Variants in WWOX observed in about 807,000 individuals in gnomAD.
The protein encoded by WWOX is WW domain-containing oxidoreductase.
WWOX carries 69 observed loss-of-function variants against 46.2 expected under a neutral mutation model. The observed-to-expected ratio is 1.49, with a 90% confidence interval of 1.23 to 1.82. WWOX has a LOEUF of 1.82. Among genes scored for constraint, WWOX ranks in the 40% most tolerant of loss-of-function variants. The probability of loss-of-function intolerance (pLI) is 0.00; values close to 1 mark genes in which losing one functional copy is unlikely to be tolerated. For missense variants in WWOX, 919 were observed against 542.6 expected, an observed-to-expected ratio of 1.69 and a Z score of -6.89; for synonymous variants, 359 against 202.6, an observed-to-expected ratio of 1.77 and a Z score of -6.56.
chr16:78,544,220 C>T (rs1042432937), intron 8 of WWOX, among the ~76,000 whole-genome samples: 1 of 152,206 alleles, frequency 6.6e-6, no homozygotes, highest in Non-Finnish European at 1.5e-5. Flanking sequence ...AGAACTGACA[C>T]TAATATTCTC....
intron 8 of WWOX, among the ~76,000 whole-genome samples, chr16:79,135,297 AT>A (rs1397184728): frequency 6.6e-6 from 1 of 152,142 alleles, no homozygotes; most frequent in African/African-American, 2.4e-5. Context: ...GTATGTCTTG[AT>A]TTATATACAT....
intron 8 of WWOX, among the ~76,000 whole-genome samples, chr16:78,932,402 C>T (rs1169938687): frequency 1.3e-5 from 2 of 152,190 alleles, no homozygotes; most frequent in East Asian, 1.9e-4. Flanking sequence ...ACAGCCTATG[C>T]CTGGATAAGA....
intron 5 of WWOX, among the ~76,000 whole-genome samples, chr16:78,263,886 C>A (rs1170281660): frequency 6.6e-6 from 1 of 151,958 alleles, no homozygotes; most frequent in South Asian, 2.1e-4. Flanking sequence ...CTCAGGCTGG[C>A]CAGTGTGGAA....
intron 8 of WWOX, among the ~76,000 whole-genome samples, chr16:78,937,448 CTT>C (rs537642648): frequency 0.071 from 5,762 of 81,710 alleles, 210 homozygotes; most frequent in Non-Finnish European, 0.096. Flanking sequence ...TTTGTATTAA[CTT>C]TTTTTTTTTT....
chr16:78,246,579 G>A (rs1445514255), intron 5 of WWOX, among the ~76,000 whole-genome samples: 1 of 152,212 alleles, frequency 6.6e-6, no homozygotes, highest in Non-Finnish European at 1.5e-5. Flanking sequence ...TTTTATGTCA[G>A]TTAAACCATC....
At chr16:78,432,838 G>T in intron 8 of WWOX, 86 bp downstream of exon 8, 1 of 1,593,170 alleles carries the variant, frequency 6.3e-7, no homozygotes, top group Non-Finnish European at 8.6e-7. Flanking sequence ...ACCTCTTGCG[G>T]GCATGAGTCT....
intron 7 of WWOX, among the ~76,000 whole-genome samples, chr16:78,428,155 G>A (rs956423355): frequency 6.6e-6 from 1 of 152,234 alleles, no homozygotes; most frequent in Non-Finnish European, 1.5e-5. Context: ...TACAAAGCAA[G>A]TGTTACTGTC....
intron 5 of WWOX, among the ~76,000 whole-genome samples, chr16:78,294,086 G>A (rs1001543292): frequency 1.3e-5 from 2 of 149,010 alleles, no homozygotes; most frequent in Non-Finnish European, 3.0e-5. Context: ...ACACAGCCTT[G>A]CTGTGCCTTC....
intron 5 of WWOX, among the ~76,000 whole-genome samples, chr16:78,370,406 A>G (rs764397693): frequency 6.6e-6 from 1 of 152,146 alleles, no homozygotes; most frequent in Non-Finnish European, 1.5e-5. Flanking sequence ...TATTCATTGG[A>G]TAAATATCAA....
intron 5 of WWOX, among the ~76,000 whole-genome samples, chr16:78,232,592 T>A (rs2037303222): frequency 6.6e-6 from 1 of 152,132 alleles, no homozygotes; most frequent in Non-Finnish European, 1.5e-5. Flanking sequence ...ATAAGAAAAA[T>A]TAACTTTTAA....
chr16:78,278,511 C>G (rs2083792890), intron 5 of WWOX: 2 of 1,306,364 alleles, frequency 1.5e-6, no homozygotes, highest in Non-Finnish European at 2.1e-6. Flanking sequence ...AATTAATTAG[C>G]AAAAACTTAT....
intron 8 of WWOX, among the ~76,000 whole-genome samples, chr16:78,464,873 C>A (rs142522235): frequency 1.3e-5 from 2 of 152,288 alleles, no homozygotes; most frequent in South Asian, 2.1e-4. Flanking sequence ...TCCCATACTT[C>A]TGTGAAGAAA....
intron 4 of WWOX, among the ~76,000 whole-genome samples, chr16:78,146,629 A>T (rs1335086113): frequency 1.3e-5 from 2 of 152,188 alleles, no homozygotes; most frequent in African/African-American, 4.8e-5. Context: ...ACAAAATGTT[A>T]TCAAATGAAG....
intron 1 of WWOX, among the ~76,000 whole-genome samples, chr16:78,105,646 T>G (rs769766601): frequency 2.6e-5 from 4 of 152,260 alleles, no homozygotes; most frequent in Admixed American, 1.3e-4. Context: ...AAAGTATTCA[T>G]TCTGTTTGTT....
chr16:78,758,493 T>C (rs1239224282), intron 8 of WWOX, among the ~76,000 whole-genome samples: 1 of 152,196 alleles, frequency 6.6e-6, no homozygotes, highest in Non-Finnish European at 1.5e-5. Context: ...GAAGCAGGCT[T>C]CCCCCAAGTG....
chr16:78,708,754 C>A (rs529231119), intron 8 of WWOX, among the ~76,000 whole-genome samples: 24 of 152,256 alleles, frequency 1.6e-4, no homozygotes, highest in African/African-American at 5.3e-4. Context: ...TAAAAAGATA[C>A]ATGACGTTGA....
chr16:79,003,665 G>A (rs1253073977), intron 8 of WWOX, among the ~76,000 whole-genome samples: 2 of 152,170 alleles, frequency 1.3e-5, no homozygotes, highest in Non-Finnish European at 2.9e-5. Flanking sequence ...GGCAGGGAGG[G>A]CTCAGCTGGT....
chr16:78,144,502 T>TATATATATATACACACACACAC (rs2034126356), intron 4 of WWOX, among the ~76,000 whole-genome samples: 1 of 19,834 alleles, frequency 5.0e-5, no homozygotes, highest in African/African-American at 2.2e-4. Context: ...CACACACACA[T>TATATATATATACACACACACAC]ATATATATAT....
At chr16:78,696,767 A>G (rs148000746) in intron 8 of WWOX, among the ~76,000 whole-genome samples, 2,284 of 152,180 alleles carry the variant, frequency 0.015, 26 homozygotes, top group Non-Finnish European at 0.023. Flanking sequence ...CCATCACTCG[A>G]GCAGTATACA....
Sources: allele counts gnomAD v4.1 joint callset (sites outside exome capture counted in the v4.1 genomes callset), GRCh38; gene constraint gnomAD v4.1.1; transcripts MANE v1.5; gene names NCBI Gene and HGNC (gene_info 2026-07-23, HGNC 2026-07-21).